Variants in SKOR1 observed in about 807,000 individuals in gnomAD.
SKOR1 encodes the protein LBX1 corepressor 1.
A neutral mutation model predicts 72.4 loss-of-function variants in SKOR1; 38 were observed. The observed-to-expected ratio is 0.52, with a 90% CI of 0.40 to 0.69. The LOEUF is 0.69. SKOR1 is among the 30% of genes least tolerant of loss of function. The probability of loss-of-function intolerance (pLI) is 0.00; values close to 1 mark genes in which losing one functional copy is unlikely to be tolerated. For missense variants in SKOR1, 1,320 were observed against 1,343.2 expected (o/e 0.98, Z 0.27); for synonymous variants, 642 against 599.4 (o/e 1.07, Z -1.04).
At position 67,832,739 on chromosome 15, in the gene SKOR1, G is replaced by A. The variant is rs765564960; in HGVS notation, c.2737+58G>A. 1.7e-5 allele frequency: 23 copies of A among 1,370,848 alleles called. No individual in the cohort carries two copies. Among genetic ancestry groups the A allele is most frequent in the Non-Finnish European group, 2.2e-5 (21 of 962,416 alleles). The allele number at this position is 1,370,848 out of a possible 1,614,324, so 84.9% of individuals were successfully genotyped here. ...GCCGTAACTGCCTCTCGTCTGGCAG[G>A]AGCCGCAATGTTGGCTCAGTCATTT... is the stretch of plus-strand genomic sequence containing the variant. On this transcript the variant is annotated intron_variant, in intron 7 of 8. Transcript: ENST00000380035. The surrounding 1 kb of genome is among the most constrained non-coding windows in gnomAD (Gnocchi z 4.5).
Position 67,826,769 on chromosome 15 carries a change from C to A in SKOR1, c.941C>A (p.Ala314Glu). 6.5e-7 allele frequency: 1 copy of A among 1,534,200 alleles called. No homozygotes were observed. Among genetic ancestry groups the A allele is most frequent in the Non-Finnish European group, 8.7e-7 (1 of 1,145,042 alleles). The part of the protein sequence containing the change: ...GGGGGGPGCG[A>E]EMAPGPPPHK... ...GGCGGCGGTGGCCCAGGGTGCGGTG[C>A]AGAGATGGCCCCAGGCCCGCCGCCC... Residue 314 changes from alanine to glutamate, a missense_variant, in exon 2 of 9, where the codon GCA becomes GAA. This residue lies in a region of SKOR1 where 1,099 missense variants were observed against 1,025.5 expected (regional missense o/e 1.07). Coordinates refer to ENST00000380035, the MANE Select transcript of SKOR1 (RefSeq NM_001365915.1).
rs2090951297 is a variant in SKOR1 at position 67,825,518 on chromosome 15, GCT to G, written c.-84_-83del. ...GGGGCGGCCGATCCCCGAAGTCCGG[GCT>G]TCAGGACCCGGGCCGGCAGCACCGG... On this transcript the variant is annotated 5_prime_UTR_variant, in exon 1 of 9. Coordinates refer to ENST00000380035, the MANE Select transcript of SKOR1 (RefSeq NM_001365915.1). This position sits in a 1 kb window ranked among gnomAD's most constrained non-coding sequence, Gnocchi z 5.6. The G allele has an allele frequency of 1.5e-6, 1 of 685,352 alleles. No individual in the cohort carries two copies. The highest frequency in any genetic ancestry group is 2.7e-6 in the Non-Finnish European group (1 of 366,854). The allele number at this position is 685,352 out of a possible 1,614,324, so 42.5% of individuals were successfully genotyped here.
chr15:67,830,897 T>A lies in SKOR1; in HGVS notation c.2587+8T>A. On this transcript the variant is annotated splice_region_variant and intron_variant, in intron 5 of 8. Transcript: ENST00000380035. ...TCGAGAACCTGGCCAGAGGTGAGGATAAATTTGTGAAAAAGGTGTACGCTG... is the reference window on the plus strand; with the variant it reads ...TCGAGAACCTGGCCAGAGGTGAGGAAAAATTTGTGAAAAAGGTGTACGCTG... 1 of 1,613,936 alleles carries A rather than the reference T, an allele frequency of 6.2e-7. No individual in the cohort carries two copies.
In SKOR1 at chr15:67,830,174, G is replaced by A. The variant is rs775129214; in HGVS notation, c.2408-17G>A. The A allele has an allele frequency of 1.9e-6, 3 of 1,612,734 alleles. No homozygotes were observed. Among genetic ancestry groups the A allele is most frequent in the Non-Finnish European group, 2.5e-6 (3 of 1,178,870 alleles). The stretch of plus-strand genomic sequence containing the variant: ...GGTTTCTTTGCCTCTCTTGAAATTC[G>A]GTTTGTTGCCTTCAAGAGCCAGATA... On this transcript the variant is annotated splice_polypyrimidine_tract_variant and intron_variant, in intron 3 of 8. Transcript: ENST00000380035.
chr15:67,829,379 G>A (rs1399628813), intron 3 of SKOR1, 110 bp downstream of exon 3: 7 of 932,360 alleles, frequency 7.5e-6, no homozygotes, highest in Admixed American at 5.8e-5. Flanking sequence ...AGAGAAAGAG[G>A]GAGAGGGAAA....
At position 67,825,890 on chromosome 15, in the gene SKOR1, G is replaced by A. The variant is rs1274157624; in HGVS notation, c.108-46G>A. 1 of 1,509,324 alleles carries A rather than the reference G, an allele frequency of 6.6e-7. No individual in the cohort carries two copies. Among genetic ancestry groups the A allele is most frequent in the South Asian group, 1.3e-5 (1 of 75,236 alleles). The allele number at this position is 1,509,324 out of a possible 1,614,324, so 93.5% of individuals were successfully genotyped here. A position where few individuals can be genotyped will look rare whatever the true frequency, so the allele number is the denominator to read the frequency against. On this transcript the variant is annotated intron_variant, in intron 1 of 8. Transcript: ENST00000380035. This position sits in a 1 kb window ranked among gnomAD's most constrained non-coding sequence, Gnocchi z 5.6. ...CTGGGCGGGCCCGAGCCTCGGCGGC[G>A]GCGCTGAAAATGGCTCATCTGCTCT...
Position 67,826,673 on chromosome 15 carries a change from T to C in SKOR1, c.845T>C (p.Leu282Pro), listed in dbSNP as rs199971924. 4.4e-6 allele frequency: 7 copies of C among 1,593,082 alleles called. No homozygotes were observed. Among genetic ancestry groups the C allele is most frequent in the East Asian group, 4.6e-5 (2 of 43,750 alleles). The change falls in exon 2 of 9, where the codon CTA becomes CCA. Residue 282 changes from leucine to proline, a missense_variant. By Grantham distance (98) the Leu-to-Pro change is moderately conservative (BLOSUM62 -3). This residue lies in a region of SKOR1 where 1,099 missense variants were observed against 1,025.5 expected (regional missense o/e 1.07). Coordinates refer to ENST00000380035, the MANE Select transcript of SKOR1 (RefSeq NM_001365915.1). ...GGCACGCGCAAGCGGACCTTCTCCCTACAAGGAGGCGGCGGAGGCGGTGCC... is the reference window on the plus strand; with the variant it reads ...GGCACGCGCAAGCGGACCTTCTCCCCACAAGGAGGCGGCGGAGGCGGTGCC... ...NGGTRKRTFSLQGGGGGGANG... is the reference protein window; with the variant it reads ...NGGTRKRTFSPQGGGGGGANG...
intron 4 of SKOR1, among the ~76,000 whole-genome samples, chr15:67,830,613 G>T (rs1030612887): frequency 3.9e-5 from 6 of 152,140 alleles, no homozygotes; most frequent in Admixed American, 2.6e-4. Context: ...CATCTTCCCT[G>T]GGCCGTCTCC....
chr15:67,826,126 C>G lies in SKOR1; in HGVS notation c.298C>G (p.Leu100Val). 6.2e-7 allele frequency: 1 copy of G among 1,604,472 alleles called. No individual in the cohort carries two copies. The highest frequency in any genetic ancestry group is 8.5e-7 in the Non-Finnish European group (1 of 1,173,168). ...LVIDGQERLCLAQISNTLLKN... is the reference protein window; with the variant it reads ...LVIDGQERLCVAQISNTLLKN... ...CATCGACGGCCAGGAGCGCCTATGC[C>G]TGGCGCAGATCTCCAACACCCTCCT... Residue 100 changes from leucine to valine, a missense_variant, in exon 2 of 9, where the codon CTG (leucine) becomes GTG (valine). Transcript: ENST00000380035.
Position 67,832,290 on chromosome 15 carries a change from G to C in SKOR1, c.2604G>C (p.Leu868=). The C allele has an allele frequency of 6.2e-7, 1 of 1,614,086 alleles. No individual in the cohort carries two copies. Among genetic ancestry groups the C allele is most frequent in the Non-Finnish European group, 8.5e-7 (1 of 1,180,014 alleles). The change falls in exon 6 of 9, where the codon CTG becomes CTC. Residue 868 remains leucine, a synonymous_variant. Transcript: ENST00000380035. The surrounding 1 kb of genome is among the most constrained non-coding windows in gnomAD (Gnocchi z 4.5). Reference sequence around the variant, plus strand: ...CTTTCACAGAGGAATTGCAAAAACTGCTCCTGGAACAAATGGAGCTCCGCA... The same window carrying C: ...CTTTCACAGAGGAATTGCAAAAACTCCTCCTGGAACAAATGGAGCTCCGCA... ...ENLAREELQK[L]LLEQMELRKK...
intron 3 of SKOR1, 97 bp from the exon 4 acceptor site, chr15:67,830,094 T>A (rs538708642): frequency 7.8e-7 from 1 of 1,282,212 alleles, no homozygotes; most frequent in African/African-American, 1.5e-5. Context: ...CCACGACGCT[T>A]TTAATTAGGG....
At position 67,828,075 on chromosome 15, in the gene SKOR1, G is replaced by A; in HGVS notation, c.2247G>A (p.Pro749=). ...EDLVRRPERS[P]PSGGGGYELR... is the part of the protein sequence containing the mutation. ...TGGTGCGGAGACCTGAGAGGAGCCCGCCAAGCGGCGGCGGCGGCTACGAGC... is the reference window on the plus strand; with the variant it reads ...TGGTGCGGAGACCTGAGAGGAGCCCACCAAGCGGCGGCGGCGGCTACGAGC... Residue 749 remains proline, a synonymous_variant, in exon 2 of 9, where the codon CCG becomes CCA. Coordinates refer to ENST00000380035, the MANE Select transcript of SKOR1 (RefSeq NM_001365915.1). The A allele has an allele frequency of 6.5e-7, 1 of 1,527,676 alleles. No individual in the cohort carries two copies. Among genetic ancestry groups the A allele is most frequent in the Non-Finnish European group, 8.8e-7 (1 of 1,141,782 alleles). The allele number at this position is 1,527,676 out of a possible 1,614,324, so 94.6% of individuals were successfully genotyped here. A position where few individuals can be genotyped will look rare whatever the true frequency, so the allele number is the denominator to read the frequency against.
In SKOR1 at chr15:67,832,382, T is replaced by C; in HGVS notation, c.2662+34T>C. 1.2e-6 allele frequency: 2 copies of C among 1,609,612 alleles called. No individual in the cohort carries two copies. The highest frequency in any genetic ancestry group is 1.7e-6 in the Non-Finnish European group (2 of 1,176,464). On this transcript the variant is annotated intron_variant, in intron 6 of 8. Transcript: ENST00000380035. This position sits in a 1 kb window ranked among gnomAD's most constrained non-coding sequence, Gnocchi z 4.5. Reference sequence around the variant, plus strand: ...TGCCATCCTGCCTCACCCCACCTCATCACCGAGCCTTCCACCAGGGTGCCC... The same window carrying C: ...TGCCATCCTGCCTCACCCCACCTCACCACCGAGCCTTCCACCAGGGTGCCC...
At chr15:67,828,234 G>C (rs2090981185) in intron 2 of SKOR1, 90 bp downstream of exon 2, 1 of 1,359,136 alleles carries the variant, frequency 7.4e-7, no homozygotes, top group Admixed American at 3.9e-5. Flanking sequence ...CGGGAATTTT[G>C]TTCCGCGCAG....
At position 67,833,388 on chromosome 15, in the gene SKOR1, T is replaced by C; in HGVS notation, c.2803+131T>C. The stretch of plus-strand genomic sequence containing the variant: ...GATCAGGATCTGTGAGGGAGAAAAG[T>C]GGGAACTGATTTTAACGGGAAGATT... On this transcript the variant is annotated intron_variant, in intron 8 of 8. Coordinates refer to ENST00000380035, the MANE Select transcript of SKOR1 (RefSeq NM_001365915.1). This position sits in a 1 kb window ranked among gnomAD's most constrained non-coding sequence, Gnocchi z 6.0. The C allele has an allele frequency of 1.0e-6, 1 of 974,872 alleles. No homozygotes were observed. The highest frequency in any genetic ancestry group is 1.6e-6 in the Non-Finnish European group (1 of 620,514). 60.4% of individuals were successfully genotyped at this position (974,872 alleles called of 1,614,324 possible).
Position 67,826,990 on chromosome 15 carries a change from C to T in SKOR1, c.1162C>T (p.Leu388=). ...CAAAGGCTTTGGGCTCCTGCAAAAG[C>T]TGCCCCCACCACTTTTCCCCCATCC... ...PSKGFGLLQK[L]PPPLFPHPYG... Residue 388 remains leucine (L), a synonymous_variant, in exon 2 of 9, where the codon CTG becomes TTG. Transcript: ENST00000380035. 1 of 1,596,304 alleles carries T rather than the reference C, an allele frequency of 6.3e-7. No individual in the cohort carries two copies. Among genetic ancestry groups the T allele is most frequent in the Admixed American group, 1.7e-5 (1 of 59,914 alleles).
Position 67,832,418 on chromosome 15 carries a change from C to T in SKOR1, c.2662+70C>T, listed in dbSNP as rs1353233894. 2.6e-6 allele frequency: 4 copies of T among 1,553,110 alleles called. No individual in the cohort carries two copies. Among genetic ancestry groups the T allele is most frequent in the Middle Eastern group, 1.7e-4 (1 of 5,724 alleles). On this transcript the variant is annotated intron_variant, in intron 6 of 8. Coordinates refer to ENST00000380035, the MANE Select transcript of SKOR1 (RefSeq NM_001365915.1). The surrounding 1 kb of genome is among the most constrained non-coding windows in gnomAD (Gnocchi z 4.5). ...TCCACCAGGGTGCCCCGACCTACTCCGAAAGCCGGGTGCCAGGCAACTGGT... is the reference window on the plus strand; with the variant it reads ...TCCACCAGGGTGCCCCGACCTACTCTGAAAGCCGGGTGCCAGGCAACTGGT...
intron 2 of SKOR1, among the ~76,000 whole-genome samples, chr15:67,828,737 G>T (rs890586868): frequency 6.6e-6 from 1 of 152,146 alleles, no homozygotes; most frequent in South Asian, 2.1e-4. Flanking sequence ...TGGCAGGGCC[G>T]GGGCTTGAGG....
At position 67,833,090 on chromosome 15, in the gene SKOR1, C is replaced by T; in HGVS notation, c.2738-102C>T. 4 of 1,236,484 alleles carry T rather than the reference C, an allele frequency of 3.2e-6. No homozygotes were observed. The South Asian group carries it at 3.8e-5, about 12-fold the overall frequency. 76.6% of individuals were successfully genotyped at this position (1,236,484 alleles called of 1,614,324 possible). On this transcript the variant is annotated intron_variant, in intron 7 of 8. Coordinates refer to ENST00000380035, the MANE Select transcript of SKOR1 (RefSeq NM_001365915.1). This position sits in a 1 kb window ranked among gnomAD's most constrained non-coding sequence, Gnocchi z 6.0. Reference sequence around the variant, plus strand: ...TCCCCCATCCCTGGAGTTGTTTCTGCGCGGAGCTTAGCCCTGGGGAGAGGA... The same window carrying T: ...TCCCCCATCCCTGGAGTTGTTTCTGTGCGGAGCTTAGCCCTGGGGAGAGGA...
Sources: gnomAD v4.1 joint callset for allele counts (sites outside exome capture counted in the v4.1 genomes callset) on GRCh38, gnomAD v4.1.1 for gene constraint, gnomAD v4.1.1 regional missense constraint, Gnocchi (gnomAD v3.1) non-coding constraint, MANE v1.5 for transcripts, NCBI Gene and HGNC (gene_info 2026-07-23, HGNC 2026-07-21) for gene names.